Variants in SLF1 observed in about 807,000 individuals in gnomAD.
SLF1 encodes the protein SMC5-SMC6 complex localization factor protein 1.
SLF1 carries 105 observed loss-of-function variants against 123.0 expected under a neutral mutation model. That is an observed-to-expected ratio of 0.85 (90% CI 0.73 to 1.00). SLF1 has a LOEUF of 1.00. Among genes scored for constraint, SLF1 ranks in the 50% least tolerant of loss-of-function variants. The pLI, the probability that SLF1 is intolerant of heterozygous loss-of-function variation, is 0.00. For synonymous variants in SLF1, 434 were observed against 406.6 expected, an observed-to-expected ratio of 1.07 and a Z score of -0.81; for missense variants, 1,239 against 1,223.0, an observed-to-expected ratio of 1.01 and a Z score of -0.20.
chr5:94,683,088 A>T (rs961488119), intron 15 of SLF1, among the ~76,000 whole-genome samples: 3 of 152,148 alleles, frequency 2.0e-5, no homozygotes, highest in African/African-American at 7.2e-5. Flanking sequence ...TGTCATCAAA[A>T]TTTACTATAG....
chr5:94,686,459 T>C (rs1752442074), intron 15 of SLF1, 114 bp from the exon 16 acceptor site: 1 of 1,119,806 alleles, frequency 8.9e-7, no homozygotes, highest in African/African-American at 1.6e-5. Context: ...TGGATGAATC[T>C]TATAGGTGTA....
chr5:94,629,251 T>C (rs1585102796), intron 3 of SLF1, 84 bp downstream of exon 3: 1 of 962,584 alleles, frequency 1.0e-6, no homozygotes, highest in East Asian at 2.8e-5. Flanking sequence ...AGATAGCATA[T>C]TTACATATCA....
At chr5:94,674,388 A>T (rs1750810934) in intron 14 of SLF1, among the ~76,000 whole-genome samples, 1 of 152,310 alleles carries the variant, frequency 6.6e-6, no homozygotes, top group East Asian at 1.9e-4. Flanking sequence ...TCTGCAATAA[A>T]TTGTAGCATT....
chr5:94,635,263 TTTTC>T, intron 4 of SLF1, among the ~76,000 whole-genome samples: 1 of 151,902 alleles, frequency 6.6e-6, no homozygotes, highest in Non-Finnish European at 1.5e-5. Flanking sequence ...TGGAGTATCC[TTTTC>T]CATCCCTTCA....
intron 15 of SLF1, among the ~76,000 whole-genome samples, chr5:94,684,088 A>T (rs1752116570): frequency 6.6e-6 from 1 of 152,134 alleles, no homozygotes; most frequent in Admixed American, 6.5e-5. Context: ...AGCCTACCAG[A>T]TGTGATCCTT....
rs765388734 is a variant in SLF1, at chr5:94,671,650, AT to A, written c.1827+657del. ...TCATTCATTTTGCTCTTTTCTTTTAATTTTTTTTTTTTTTTACTTTTTCTCG... is the reference window on the plus strand; with the variant it reads ...TCATTCATTTTGCTCTTTTCTTTTAATTTTTTTTTTTTTTACTTTTTCTCG... On this transcript the variant is annotated intron_variant, in intron 14 of 20. Transcript: ENST00000265140. Among the ~76,000 whole-genome samples the A allele has an allele frequency of 1.8e-3, 237 of 132,522 alleles. 1 individual carries two copies. The highest frequency in any genetic ancestry group is 8.6e-3 in the South Asian group (36 of 4,204). The allele number at this position is 132,522 out of a possible 152,430, so 86.9% of individuals were successfully genotyped here.
At chr5:94,632,378 T>G (rs534492977) in intron 4 of SLF1, among the ~76,000 whole-genome samples, 35 of 152,188 alleles carry the variant, frequency 2.3e-4, no homozygotes, top group Admixed American at 6.5e-4. Flanking sequence ...TCTGGATTCT[T>G]TGTATTTCCG....
intron 8 of SLF1, 53 bp downstream of exon 8, chr5:94,653,474 C>T (rs1747180516): frequency 7.3e-7 from 1 of 1,376,040 alleles, no homozygotes. Context: ...TGGCTGTTCT[C>T]TGATATAATC....
chr5:94,689,396 T>A, intron 17 of SLF1, 77 bp from the exon 18 acceptor site: 1 of 1,438,792 alleles, frequency 7.0e-7, no homozygotes, highest in Non-Finnish European at 9.3e-7. Context: ...GCTAGACTTT[T>A]AAAAAATACC....
chr5:94,627,272 T>G (rs950552955), intron 1 of SLF1, among the ~76,000 whole-genome samples: 1 of 152,152 alleles, frequency 6.6e-6, no homozygotes, highest in African/African-American at 2.4e-5. Flanking sequence ...CCCACAGTTA[T>G]GGTGACAAAA....
chr5:94,653,666 A>G (rs1748020495), intron 8 of SLF1, among the ~76,000 whole-genome samples: 1 of 152,220 alleles, frequency 6.6e-6, no homozygotes, highest in Admixed American at 6.5e-5. Context: ...GTGATGAATA[A>G]GAAAAAGAAA....
intron 10 of SLF1, 122 bp downstream of exon 10, chr5:94,662,473 C>G (rs528586060): frequency 2.3e-5 from 16 of 707,146 alleles, no homozygotes; most frequent in Non-Finnish European, 3.3e-5. Context: ...ATTATATGCA[C>G]AAATAAAGAA....
intron 15 of SLF1, among the ~76,000 whole-genome samples, chr5:94,682,558 A>G (rs1254525028): frequency 5.3e-5 from 8 of 152,228 alleles, no homozygotes; most frequent in Non-Finnish European, 1.2e-4. Context: ...TCATACTGTG[A>G]CACAACTGAG....
At chr5:94,694,396 C>G (rs1753360616) in intron 20 of SLF1, among the ~76,000 whole-genome samples, 1 of 151,750 alleles carries the variant, frequency 6.6e-6, no homozygotes. Flanking sequence ...CTTTGCACTG[C>G]TAGAATTGTT....
At chr5:94,624,392 A>G (rs1360419560) in intron 1 of SLF1, among the ~76,000 whole-genome samples, 1 of 152,196 alleles carries the variant, frequency 6.6e-6, no homozygotes, top group East Asian at 1.9e-4. Flanking sequence ...TAAATATACA[A>G]AGTGGGTCAT....
chr5:94,692,960 G>A (rs1053764384), intron 20 of SLF1, among the ~76,000 whole-genome samples: 9 of 152,144 alleles, frequency 5.9e-5, no homozygotes, highest in African/African-American at 2.2e-4. Context: ...TGTTCAAAAC[G>A]GATTGGTGCT....
chr5:94,635,337 C>CTTTTGT (rs1745640317), intron 4 of SLF1, among the ~76,000 whole-genome samples: 1 of 43,880 alleles, frequency 2.3e-5, no homozygotes, highest in African/African-American at 9.0e-5. Flanking sequence ...ACATACTCGG[C>CTTTTGT]TTTTTTTTTT....
chr5:94,696,606 C>T lies in SLF1; in HGVS notation c.*1294C>T, dbSNP rs1753526415. ...TTAAATGCTTATAGAGAGTAAAGTG[C>T]TTCTCCAGATGATGAATAAGAACGT... On this transcript the variant is annotated 3_prime_UTR_variant, in exon 21 of 21. Transcript: ENST00000265140. 1 of 151,726 alleles carries T rather than the reference C, an allele frequency of 6.6e-6. No homozygotes were observed. Among genetic ancestry groups the T allele is most frequent in the Non-Finnish European group, 1.5e-5 (1 of 67,810 alleles). 9.4% of individuals were successfully genotyped at this position (151,726 alleles called of 1,614,324 possible). A position where few individuals can be genotyped will look rare whatever the true frequency, so the allele number is the denominator to read the frequency against.
chr5:94,628,937 T>A lies in SLF1; in HGVS notation c.114+13T>A. ...TATTAAGAGTGAGGTAAGAAACTTA[T>A]CAAAATGTTCAAGATATATTTGAAA... On this transcript the variant is annotated intron_variant, in intron 2 of 20. Transcript: ENST00000265140. The A allele has an allele frequency of 6.6e-7, 1 of 1,507,146 alleles. No homozygotes were observed. The highest frequency in any genetic ancestry group is 1.3e-5 in the South Asian group (1 of 79,316). 93.4% of individuals were successfully genotyped at this position (1,507,146 alleles called of 1,614,324 possible).
Sources: allele counts gnomAD v4.1 joint callset (sites outside exome capture counted in the v4.1 genomes callset), GRCh38; gene constraint gnomAD v4.1.1; transcripts MANE v1.5; gene names NCBI Gene and HGNC (gene_info 2026-07-23, HGNC 2026-07-21).